TRPM6: variants seen among roughly 807,000 people sequenced by gnomAD.
The protein encoded by TRPM6 is channel kinase 2.
TRPM6 carries 111 observed loss-of-function variants against 247.6 expected under a neutral mutation model. That is an observed-to-expected ratio of 0.45 (90% confidence interval 0.38 to 0.52). TRPM6 has a LOEUF of 0.52. TRPM6 is among the 20% of genes least tolerant of loss of function. The pLI is 0.00. For synonymous variants in TRPM6, 892 were observed against 853.8 expected (o/e 1.04, Z -0.78); for missense variants, 2,126 against 2,421.5 (o/e 0.88, Z 2.56).
At chr9:74,776,572 A>C (rs958453782) in intron 23 of TRPM6, among the ~76,000 whole-genome samples, 1 of 152,248 alleles carries the variant, frequency 6.6e-6, no homozygotes, top group African/African-American at 2.4e-5. Context: ...ATCTTAAAAA[A>C]CAGAGCTTCT....
At chr9:74,836,708 A>G (rs1829735240) in intron 5 of TRPM6, among the ~76,000 whole-genome samples, 1 of 152,240 alleles carries the variant, frequency 6.6e-6, no homozygotes, top group South Asian at 2.1e-4. Flanking sequence ...ATAAGACTTC[A>G]GCATGGCACC....
chr9:74,836,135 C>T (rs141622486), intron 5 of TRPM6, among the ~76,000 whole-genome samples: 2 of 152,140 alleles, frequency 1.3e-5, no homozygotes, highest in Admixed American at 6.5e-5. Context: ...CCCTCTCCCC[C>T]CTCAGCTCCT....
At chr9:74,823,231 T>C (rs1453820561) in intron 7 of TRPM6, among the ~76,000 whole-genome samples, 1 of 152,146 alleles carries the variant, frequency 6.6e-6, no homozygotes, top group Non-Finnish European at 1.5e-5. Flanking sequence ...TGGTGAGACA[T>C]CTACAGGGTC....
At chr9:74,831,460 A>G (rs1198068853) in intron 6 of TRPM6, among the ~76,000 whole-genome samples, 2 of 152,170 alleles carry the variant, frequency 1.3e-5, no homozygotes, top group African/African-American at 2.4e-5. Flanking sequence ...ACCACACTCC[A>G]GCCTGGGCAA....
chr9:74,843,778 G>A (rs552474137), intron 3 of TRPM6, among the ~76,000 whole-genome samples: 1 of 145,046 alleles, frequency 6.9e-6, no homozygotes, highest in Admixed American at 7.2e-5. Flanking sequence ...TAGTGCCACT[G>A]CACTTCAGCC....
At chr9:74,734,666 A>G (rs1352123470) in intron 36 of TRPM6, among the ~76,000 whole-genome samples, 3 of 152,096 alleles carry the variant, frequency 2.0e-5, no homozygotes, top group African/African-American at 4.8e-5. Flanking sequence ...TACTTGTATT[A>G]TTTTTCTCCT....
chr9:74,760,697 G>A (rs1391311422), intron 27 of TRPM6, among the ~76,000 whole-genome samples: 1 of 152,144 alleles, frequency 6.6e-6, no homozygotes, highest in Admixed American at 6.5e-5. Context: ...CTGAATTGGC[G>A]AGTGCTATGA....
intron 7 of TRPM6, among the ~76,000 whole-genome samples, chr9:74,827,516 G>A (rs1458544431): frequency 6.6e-6 from 1 of 151,924 alleles, no homozygotes; most frequent in Admixed American, 6.6e-5. Flanking sequence ...ACTTGTGGAT[G>A]ACAGTTGAGA....
At chr9:74,782,031 T>C (rs1048624622) in intron 23 of TRPM6, among the ~76,000 whole-genome samples, 6 of 152,218 alleles carry the variant, frequency 3.9e-5, no homozygotes, top group African/African-American at 1.4e-4. Flanking sequence ...TTAGAGATGC[T>C]TTAAAGTATA....
intron 9 of TRPM6, among the ~76,000 whole-genome samples, chr9:74,817,409 T>C (rs1828974333): frequency 6.6e-6 from 1 of 152,238 alleles, no homozygotes; most frequent in Admixed American, 6.5e-5. Context: ...AAGCTGGTCT[T>C]GAATTTCCTG....
intron 11 of TRPM6, 57 bp downstream of exon 11, chr9:74,816,612 T>G: frequency 7.0e-7 from 1 of 1,437,812 alleles, no homozygotes; most frequent in East Asian, 2.3e-5. Flanking sequence ...CTTTTGCCCC[T>G]TCCTAACAGA....
At chr9:74,775,101 A>T (rs867500609) in intron 24 of TRPM6, among the ~76,000 whole-genome samples, 4 of 152,242 alleles carry the variant, frequency 2.6e-5, no homozygotes. Flanking sequence ...AATTAGTACG[A>T]TAGTCATATC....
intron 24 of TRPM6, among the ~76,000 whole-genome samples, chr9:74,773,079 A>T (rs1827104723): frequency 6.6e-6 from 1 of 152,136 alleles, no homozygotes; most frequent in African/African-American, 2.4e-5. Context: ...GTGAGCCGAG[A>T]TCGCTCCACT....
intron 38 of TRPM6, among the ~76,000 whole-genome samples, chr9:74,727,567 G>A (rs1825374332): frequency 6.6e-6 from 1 of 152,038 alleles, no homozygotes; most frequent in Admixed American, 6.6e-5. Context: ...GACAAGTCCG[G>A]TGTGACCAAA....
At chr9:74,769,119 C>T (rs575063117) in intron 25 of TRPM6, among the ~76,000 whole-genome samples, 46 of 152,294 alleles carry the variant, frequency 3.0e-4, no homozygotes, top group Admixed American at 2.7e-3. Flanking sequence ...ATCCTCACAG[C>T]ATCTCTAAGA....
chr9:74,726,793 C>G (rs1267585382), intron 38 of TRPM6, among the ~76,000 whole-genome samples: 1 of 152,140 alleles, frequency 6.6e-6, no homozygotes, highest in Admixed American at 6.5e-5. Flanking sequence ...TGACTCTGAT[C>G]GTTGTCAGCT....
rs545723341 is a variant in TRPM6 at position 74,785,765 on chromosome 9, C to T, written c.2919+109G>A. 8.2e-5 allele frequency: 100 copies of T among 1,224,108 alleles called. No homozygotes were observed. The East Asian group carries it at 9.6e-4, about 12-fold the overall frequency. The allele number at this position is 1,224,108 out of a possible 1,614,324, so 75.8% of individuals were successfully genotyped here. ...TTCTTGATCTCCTGACCTTGTGATC[C>T]GCCCGCCTTGGCCTCCCAAAGTGCT... On this transcript the variant is annotated intron_variant, in intron 21 of 38. Coordinates refer to ENST00000360774, the MANE Select transcript of TRPM6 (RefSeq NM_017662.5).
chr9:74,761,808 T>C lies in TRPM6; in HGVS notation c.4673A>G (p.Asn1558Ser). The change falls in exon 27 of 39, where the codon AAT becomes AGT. Residue 1558 changes from asparagine (N) to serine (S), a missense_variant and splice_region_variant. This residue lies in a region of TRPM6 where 717 missense variants were observed against 715.9 expected (regional missense o/e 1.00). Coordinates refer to ENST00000360774, the MANE Select transcript of TRPM6 (RefSeq NM_017662.5). ...EKLMKICKIK[N>S]LSGSSEIGQG... ...CCCTATTTCTGAAGAGCCTGAAAGA[T>C]CTGCAAGGAAATGGTCTACATGAGA... is the stretch of plus-strand genomic sequence containing the variant. The C allele has an allele frequency of 6.2e-7, 1 of 1,609,560 alleles. No individual in the cohort carries two copies. Among genetic ancestry groups the C allele is most frequent in the Non-Finnish European group, 8.5e-7 (1 of 1,175,882 alleles).
intron 1 of TRPM6, among the ~76,000 whole-genome samples, chr9:74,863,550 G>A (rs1433807977): frequency 6.6e-6 from 1 of 151,984 alleles, no homozygotes; most frequent in Non-Finnish European, 1.5e-5. Flanking sequence ...CTCTGAGAAG[G>A]CATAATTTCA....
Sources: allele counts gnomAD v4.1 joint callset (sites outside exome capture counted in the v4.1 genomes callset), GRCh38; gene constraint gnomAD v4.1.1; regional missense constraint gnomAD v4.1.1; transcripts MANE v1.5; gene names NCBI Gene and HGNC (gene_info 2026-07-23, HGNC 2026-07-21).